Variants in CACNA2D3 observed in about 807,000 individuals in gnomAD.
CACNA2D3 encodes calcium voltage-gated channel auxiliary subunit alpha2delta 3.
In CACNA2D3, 60 loss-of-function variants were observed where a neutral mutation model predicts 160.6. That is an observed-to-expected ratio of 0.37 (90% CI 0.30 to 0.46). The LOEUF is 0.46. Ranked by LOEUF, CACNA2D3 falls within the 20% of genes least tolerant of loss-of-function variation. The probability of loss-of-function intolerance (pLI) is 1.00; values close to 1 mark genes in which losing one functional copy is unlikely to be tolerated. For synonymous variants in CACNA2D3, 558 were observed against 492.9 expected (o/e 1.13, Z -1.75); for missense variants, 1,205 against 1,365.0 (o/e 0.88, Z 1.85).
intron 13 of CACNA2D3, among the ~76,000 whole-genome samples, chr3:54,776,725 C>T (rs368148974): frequency 6.6e-6 from 1 of 152,124 alleles, no homozygotes; most frequent in African/African-American, 2.4e-5. Flanking sequence ...CTTTCCTATT[C>T]TCTGAGCCCC....
At chr3:54,709,074 A>G (rs1700907360) in intron 11 of CACNA2D3, among the ~76,000 whole-genome samples, 1 of 151,330 alleles carries the variant, frequency 6.6e-6, no homozygotes, top group South Asian at 2.1e-4. Flanking sequence ...CAATGACTCA[A>G]TGTCGGCTCA....
chr3:54,331,670 G>T (rs139824034), intron 3 of CACNA2D3, among the ~76,000 whole-genome samples: 76 of 152,246 alleles, frequency 5.0e-4, no homozygotes, highest in Non-Finnish European at 8.5e-4. Context: ...CCATTCAAAG[G>T]ATTTAAGGTA....
At chr3:54,724,343 A>G (rs966120961) in intron 11 of CACNA2D3, among the ~76,000 whole-genome samples, 2 of 152,176 alleles carry the variant, frequency 1.3e-5, no homozygotes, top group African/African-American at 2.4e-5. Context: ...TCCACTGTCA[A>G]TATTAGACAG....
At chr3:54,508,910 GTTC>G (rs1290694716) in intron 5 of CACNA2D3, among the ~76,000 whole-genome samples, 1 of 152,178 alleles carries the variant, frequency 6.6e-6, no homozygotes, top group African/African-American at 2.4e-5. Flanking sequence ...AGTCCAATAG[GTTC>G]TTCTAAAAAG....
chr3:54,989,139 T>G (rs1017097130), intron 31 of CACNA2D3, among the ~76,000 whole-genome samples: 4 of 152,230 alleles, frequency 2.6e-5, no homozygotes, highest in Admixed American at 2.6e-4. Flanking sequence ...TGTTAACTTC[T>G]TTTCAACTTG....
Position 54,590,597 on chromosome 3 carries a change from C to CTTATTATTATTA in CACNA2D3, c.963+8732_963+8743dup, listed in dbSNP as rs35084465. 4.3e-3 allele frequency among the ~76,000 whole-genome samples: 648 copies of CTTATTATTATTA among 149,230 alleles called. 6 individuals carry two copies. The highest frequency in any genetic ancestry group is 0.014 in the African/African-American group (577 of 40,520). On this transcript the variant is annotated intron_variant, in intron 9 of 37. Coordinates refer to ENST00000474759, the MANE Select transcript of CACNA2D3 (RefSeq NM_018398.3). The stretch of plus-strand genomic sequence containing the variant: ...CAGGTAAAGAATGTGTGGCATTTCT[C>CTTATTATTATTA]TTATTATTATTATTATTATTATTTT...
rs570534299 is a variant in CACNA2D3, at chr3:54,816,595, G to A, written c.1381-258G>A. Among the ~76,000 whole-genome samples, 15 of 152,342 alleles carry A rather than the reference G, an allele frequency of 9.8e-5. No homozygotes were observed. The South Asian group carries it at 3.1e-3, about 32-fold the overall frequency. ...CCAGCTTTATAGGAGTTTACCAACT[G>A]CTTTGGATGTGGTGATTCCCAAAAC... On this transcript the variant is annotated intron_variant, in intron 13 of 37. Transcript: ENST00000474759.
intron 11 of CACNA2D3, among the ~76,000 whole-genome samples, chr3:54,713,184 C>A (rs1700985573): frequency 6.6e-6 from 1 of 152,110 alleles, no homozygotes; most frequent in Non-Finnish European, 1.5e-5. Context: ...ATTGGGAGTT[C>A]TGTCTTGAGG....
intron 2 of CACNA2D3, among the ~76,000 whole-genome samples, chr3:54,295,866 A>C (rs73091517): frequency 3.3e-5 from 5 of 152,194 alleles, no homozygotes; most frequent in African/African-American, 1.2e-4. Flanking sequence ...GGTTTGCCCA[A>C]TGCAGCTCGC....
At chr3:54,540,745 C>T (rs1248275314) in intron 5 of CACNA2D3, among the ~76,000 whole-genome samples, 1 of 152,030 alleles carries the variant, frequency 6.6e-6, no homozygotes, top group Non-Finnish European at 1.5e-5. Flanking sequence ...CATGAGTGTT[C>T]CCTCTCATGA....
Position 54,917,916 on chromosome 3 carries a change from CCAACCAACAGCTTCCACTAAATTTATAA to C in CACNA2D3, c.2449+18051_2449+18078del, listed in dbSNP as rs571828026. Among the ~76,000 whole-genome samples the C allele has an allele frequency of 3.4e-3, 523 of 152,238 alleles. 2 individuals carry two copies. Among genetic ancestry groups the C allele is most frequent in the Non-Finnish European group, 5.5e-3 (373 of 68,018 alleles). ...ACTCTTGTGGCAAGCTATGAAATTC[CCAACCAACAGCTTCCACTAAATTTATAA>C]CATATACAACATCTAAAAGTATCAC... On this transcript the variant is annotated intron_variant, in intron 27 of 37. Transcript: ENST00000474759.
chr3:54,991,953 TTTTG>T (rs1427292329), intron 31 of CACNA2D3, among the ~76,000 whole-genome samples: 13 of 149,684 alleles, frequency 8.7e-5, no homozygotes, highest in South Asian at 4.1e-4. Context: ...TCCTGTTTTG[TTTTG>T]TTTGTTTGTC....
intron 4 of CACNA2D3, among the ~76,000 whole-genome samples, chr3:54,482,572 G>A (rs1199825880): frequency 1.3e-5 from 2 of 152,154 alleles, no homozygotes; most frequent in African/African-American, 4.8e-5. Flanking sequence ...AATTAGGGCA[G>A]GGATTTATAT....
intron 4 of CACNA2D3, among the ~76,000 whole-genome samples, chr3:54,402,246 A>G (rs972395629): frequency 5.3e-5 from 8 of 152,190 alleles, no homozygotes; most frequent in East Asian, 1.9e-4. Context: ...CAACCAGAAT[A>G]CAGTTAATAA....
chr3:55,035,657 A>G (rs1559470097), intron 35 of CACNA2D3, among the ~76,000 whole-genome samples: 1 of 152,210 alleles, frequency 6.6e-6, no homozygotes, highest in Non-Finnish European at 1.5e-5. Context: ...TCCGTTATAA[A>G]GGACATGGGC....
intron 16 of CACNA2D3, among the ~76,000 whole-genome samples, chr3:54,840,114 G>A (rs1307821888): frequency 6.6e-6 from 1 of 152,006 alleles, no homozygotes; most frequent in Non-Finnish European, 1.5e-5. Context: ...CAATTCTTGA[G>A]CCTCTTATTT....
chr3:54,421,138 A>G (rs182028313), intron 4 of CACNA2D3, among the ~76,000 whole-genome samples: 2 of 152,200 alleles, frequency 1.3e-5, no homozygotes, highest in African/African-American at 4.8e-5. Flanking sequence ...CCGTGGTCAG[A>G]TAGATGCTGG....
At chr3:54,366,054 C>T (rs1348320589) in intron 3 of CACNA2D3, among the ~76,000 whole-genome samples, 2 of 152,172 alleles carry the variant, frequency 1.3e-5, no homozygotes, top group Non-Finnish European at 2.9e-5. Context: ...TGTTTTGCAG[C>T]TGATGTTTAC....
intron 11 of CACNA2D3, among the ~76,000 whole-genome samples, chr3:54,684,770 A>G (rs1256829402): frequency 6.6e-6 from 1 of 151,990 alleles, no homozygotes; most frequent in Admixed American, 6.6e-5. Flanking sequence ...AAAAAATCCC[A>G]TGTTAAGAAG....
Sources: allele counts gnomAD v4.1 joint callset (sites outside exome capture counted in the v4.1 genomes callset), GRCh38; gene constraint gnomAD v4.1.1; transcripts MANE v1.5; gene names NCBI Gene and HGNC (gene_info 2026-07-23, HGNC 2026-07-21).